LUZP1: variants seen among roughly 807,000 people sequenced by gnomAD.
LUZP1 encodes the protein filamin mechanobinding actin cross-linking protein.
Under a neutral mutation model 71.3 loss-of-function variants are expected in LUZP1, and 25 were observed. The ratio of observed to expected loss-of-function variants is 0.35; its 90% confidence interval spans 0.26 to 0.49. The LOEUF (loss-of-function observed/expected upper bound fraction) is 0.49. Among genes scored for constraint, LUZP1 ranks in the 20% least tolerant of loss-of-function variants. LUZP1 has a pLI of 0.99. For synonymous variants in LUZP1, 481 were observed against 506.4 expected, an observed-to-expected ratio of 0.95 and a Z score of 0.67; for missense variants, 1,142 against 1,300.8, an observed-to-expected ratio of 0.88 and a Z score of 1.88.
intron 2 of LUZP1, among the ~76,000 whole-genome samples, chr1:23,125,887 G>A (rs556016152): frequency 3.3e-5 from 5 of 152,072 alleles, no homozygotes; most frequent in Middle Eastern, 3.2e-3. Context: ...TATTTCTATC[G>A]ACAAGGTTAC....
At chr1:23,139,511 T>C (rs1220701735) in intron 2 of LUZP1, among the ~76,000 whole-genome samples, 1 of 152,144 alleles carries the variant, frequency 6.6e-6, no homozygotes, top group Non-Finnish European at 1.5e-5. Context: ...GCCTACTCAA[T>C]GTGAAGATGA....
At position 23,105,928 on chromosome 1, in the gene LUZP1, A is replaced by T. The variant is rs72877218; in HGVS notation, c.-120+3094T>A. Among the ~76,000 whole-genome samples the T allele has an allele frequency of 4.7e-3, 714 of 152,246 alleles. 4 individuals are homozygous for T. The highest frequency in any genetic ancestry group is 0.017 in the African/African-American group (690 of 41,534). On this transcript the variant is annotated intron_variant, in intron 3 of 4. Coordinates refer to ENST00000302291, the Ensembl canonical transcript of LUZP1. ...TACCTAATGTTAGCACTTAAGACACATTACCTTTGTAGCACATTCCAATCC... is the reference window on the plus strand; with the variant it reads ...TACCTAATGTTAGCACTTAAGACACTTTACCTTTGTAGCACATTCCAATCC...
At chr1:23,174,330 T>C (rs1644570675) in intron 1 of LUZP1, among the ~76,000 whole-genome samples, 2 of 152,162 alleles carry the variant, frequency 1.3e-5, no homozygotes, top group South Asian at 2.1e-4. Flanking sequence ...CCTCAGTGAA[T>C]TGGACAAGGG....
chr1:23,146,422 T>C (rs149807056), intron 2 of LUZP1, among the ~76,000 whole-genome samples: 3,093 of 152,310 alleles, frequency 0.02, 46 homozygotes, highest in Non-Finnish European at 0.031. Flanking sequence ...CGTCACTTAA[T>C]AGCCGTATGG....
At chr1:23,104,274 G>A (rs1267437438) in intron 3 of LUZP1, among the ~76,000 whole-genome samples, 2 of 151,784 alleles carry the variant, frequency 1.3e-5, no homozygotes. Flanking sequence ...TCGTTTGCTG[G>A]GTTCAAGGGA....
In LUZP1 at chr1:23,168,519, G is replaced by C. The variant is rs375742394; in HGVS notation, c.-226+247C>G. ...CCTCCCGAGGAAAAATCTCCTCAGA[G>C]TCTCTTCCTCCAACTCCACAAACAT... is the stretch of plus-strand genomic sequence containing the variant. On this transcript the variant is annotated intron_variant, in intron 2 of 4. Transcript: ENST00000302291. Among the ~76,000 whole-genome samples, 36 of 145,408 alleles carry C rather than the reference G, an allele frequency of 2.5e-4. No homozygotes were observed. In the East Asian group the frequency reaches 3.1e-3, roughly 12 times the overall value.
rs1643852130 is a variant in LUZP1 at position 23,091,451 on chromosome 1, T to TG, written c.2810dup (p.Thr938AsnfsTer5). The TG allele has an allele frequency of 6.2e-7, 1 of 1,614,048 alleles. No individual in the cohort carries two copies. The highest frequency in any genetic ancestry group is 8.5e-7 in the Non-Finnish European group (1 of 1,179,988). On this transcript the variant is annotated frameshift_variant, in exon 4 of 5. Transcript: ENST00000302291. LOFTEE classifies it high-confidence loss of function. ...ATTCCACGTTTTTACCTATTCGAGTTGGGGGGTCTTCTAAAGATTTCAAGT... is the reference window on the plus strand; with the variant it reads ...ATTCCACGTTTTTACCTATTCGAGTTGGGGGGGTCTTCTAAAGATTTCAAGT...
At chr1:23,123,426 A>G (rs1644146002) in intron 2 of LUZP1, among the ~76,000 whole-genome samples, 1 of 146,212 alleles carries the variant, frequency 6.8e-6, no homozygotes, top group South Asian at 2.2e-4. Context: ...CGGGAGGCGG[A>G]GGTTGCAGTG....
chr1:23,111,807 GC>G (rs1294835009), intron 2 of LUZP1, among the ~76,000 whole-genome samples: 1 of 100,932 alleles, frequency 9.9e-6, no homozygotes, highest in East Asian at 2.7e-4. Context: ...CACAAACACC[GC>G]CCCCCCACAC....
At chr1:23,116,656 G>T (rs1281588192) in intron 2 of LUZP1, among the ~76,000 whole-genome samples, 1 of 152,022 alleles carries the variant, frequency 6.6e-6, no homozygotes, top group Admixed American at 6.6e-5. Flanking sequence ...AGAAAAGTTT[G>T]CCTGTGTGAA....
intron 2 of LUZP1, among the ~76,000 whole-genome samples, chr1:23,166,552 G>C (rs1644511192): frequency 6.6e-6 from 1 of 151,530 alleles, no homozygotes; most frequent in Non-Finnish European, 1.5e-5. Flanking sequence ...CTACTCGGGA[G>C]GCTGAGGCAG....
At chr1:23,129,073 T>C (rs905073342) in intron 2 of LUZP1, among the ~76,000 whole-genome samples, 2 of 152,234 alleles carry the variant, frequency 1.3e-5, no homozygotes, top group South Asian at 2.1e-4. Flanking sequence ...ATCGATGACA[T>C]TGCTGAGACT....
chr1:23,120,988 G>A (rs974677966), intron 2 of LUZP1, among the ~76,000 whole-genome samples: 4 of 152,016 alleles, frequency 2.6e-5, no homozygotes, highest in South Asian at 2.1e-4. Flanking sequence ...AGTTTTTCTC[G>A]TCTCCATAAA....
At chr1:23,099,886 T>C (rs372123004) in intron 3 of LUZP1, among the ~76,000 whole-genome samples, 1 of 152,336 alleles carries the variant, frequency 6.6e-6, no homozygotes, top group East Asian at 1.9e-4. Context: ...AAGCCCTTCA[T>C]GATGTGGCCC....
chr1:23,114,101 A>G (rs1234786429), intron 2 of LUZP1, among the ~76,000 whole-genome samples: 1 of 152,166 alleles, frequency 6.6e-6, no homozygotes, highest in Non-Finnish European at 1.5e-5. Context: ...TCAAACTGAA[A>G]CAACTCTGGG....
chr1:23,172,856 CAG>C (rs2148225229), intron 1 of LUZP1, among the ~76,000 whole-genome samples: 1 of 150,954 alleles, frequency 6.6e-6, no homozygotes, highest in African/African-American at 2.4e-5. Flanking sequence ...TTTTTTGAGA[CAG>C]AGTCTCGCTC....
rs1643876131 is a variant in LUZP1, at chr1:23,093,574, T to C, written c.688A>G (p.Arg230Gly). 2 of 1,613,960 alleles carry C rather than the reference T, an allele frequency of 1.2e-6. No individual in the cohort carries two copies. The highest frequency in any genetic ancestry group is 1.7e-6 in the Non-Finnish European group (2 of 1,179,974). ...TTTCTTTCCAGATTAGAAGCATTCC[T>C]TGTATAATCTCGGTTCATTTTTTTG... is the stretch of plus-strand genomic sequence containing the variant. Residue 230 changes from arginine (R) to glycine (G), a missense_variant, in exon 4 of 5, where the codon AGG (arginine) becomes GGG (glycine). Physicochemically the swap from Arg to Gly is moderately radical, Grantham distance 125 (BLOSUM62 -2). Transcript: ENST00000302291. The surrounding 1 kb of genome is among the most constrained non-coding windows in gnomAD (Gnocchi z 4.2).
At chr1:23,146,405 C>A (rs923418993) in intron 2 of LUZP1, among the ~76,000 whole-genome samples, 2 of 152,202 alleles carry the variant, frequency 1.3e-5, no homozygotes, top group African/African-American at 4.8e-5. Context: ...CAAACCTAGT[C>A]ACATGACGTC....
intron 2 of LUZP1, among the ~76,000 whole-genome samples, chr1:23,161,216 G>T (rs1027890584): frequency 6.6e-6 from 1 of 152,298 alleles, no homozygotes; most frequent in East Asian, 1.9e-4. Flanking sequence ...ATCTAGCAGG[G>T]AAGACATAAT....
Sources: gnomAD v4.1 joint callset for allele counts (sites outside exome capture counted in the v4.1 genomes callset) on GRCh38, gnomAD v4.1.1 for gene constraint, Gnocchi (gnomAD v3.1) non-coding constraint, MANE v1.5 for transcripts, NCBI Gene and HGNC (gene_info 2026-07-23, HGNC 2026-07-21) for gene names.